Variants in CACNB2 observed in about 807,000 individuals in gnomAD.
The protein encoded by CACNB2 is calcium voltage-gated channel auxiliary subunit beta 2, also known as voltage-dependent L-type calcium channel subunit beta-2.
CACNB2 carries 42 observed loss-of-function variants against 73.3 expected under a neutral mutation model. The observed-to-expected ratio is 0.57, with a 90% CI of 0.45 to 0.74. The LOEUF (loss-of-function observed/expected upper bound fraction) is 0.74. Ranked by LOEUF, CACNB2 falls within the 30% of genes least tolerant of loss-of-function variation. CACNB2 has a pLI of 0.00. For missense variants in CACNB2, 940 were observed against 853.0 expected (o/e 1.10, Z -1.27); for synonymous variants, 348 against 310.3 (o/e 1.12, Z -1.28).
At chr10:18,451,401 T>G (rs1249226420) in intron 3 of CACNB2, among the ~76,000 whole-genome samples, 1 of 152,150 alleles carries the variant, frequency 6.6e-6, no homozygotes, top group East Asian at 1.9e-4. Flanking sequence ...CTGCTCTGTT[T>G]CAGATTTTGT....
chr10:18,241,494 T>G (rs950556126), intron 2 of CACNB2, among the ~76,000 whole-genome samples: 14 of 151,940 alleles, frequency 9.2e-5, no homozygotes, highest in Non-Finnish European at 1.6e-4. Context: ...GATGACGGGT[T>G]GATGGGTGCA....
chr10:18,198,685 T>G (rs976965257), intron 2 of CACNB2, among the ~76,000 whole-genome samples: 7 of 152,186 alleles, frequency 4.6e-5, no homozygotes, highest in Non-Finnish European at 1.0e-4. Context: ...TTGGCCAAAT[T>G]GGTTTTCTAC....
chr10:18,500,449 T>A (rs778073332), intron 4 of CACNB2, among the ~76,000 whole-genome samples: 8 of 152,162 alleles, frequency 5.3e-5, no homozygotes, highest in Non-Finnish European at 1.0e-4. Context: ...TTGGTCTGAT[T>A]ATATAAGGGG....
chr10:18,239,719 A>G (rs957305674), intron 2 of CACNB2, among the ~76,000 whole-genome samples: 6 of 152,294 alleles, frequency 3.9e-5, no homozygotes, highest in Middle Eastern at 3.4e-3. Flanking sequence ...TAAGTTTTGA[A>G]GAATTGAGTC....
intron 2 of CACNB2, among the ~76,000 whole-genome samples, chr10:18,199,943 G>GTGTGTA (rs1475550623): frequency 1.7e-4 from 18 of 108,300 alleles, no homozygotes; most frequent in Non-Finnish European, 3.3e-4. Flanking sequence ...ATATGAAACT[G>GTGTGTA]TGTGTGTGTG....
At chr10:18,300,705 C>T (rs554685148) in intron 2 of CACNB2, among the ~76,000 whole-genome samples, 153 of 152,128 alleles carry the variant, frequency 1.0e-3, no homozygotes, top group Non-Finnish European at 1.7e-3. Context: ...AAAAATTAGC[C>T]GTGCATGGTG....
intron 2 of CACNB2, chr10:18,206,459 A>C (rs1231435833): frequency 6.6e-6 from 1 of 152,452 alleles, no homozygotes; most frequent in Admixed American, 6.5e-5. Context: ...ATTGTGTCAC[A>C]TGGAGCCACA....
At chr10:18,340,673 C>G in intron 2 of CACNB2, 9 of 1,386,100 alleles carry the variant, frequency 6.5e-6, no homozygotes, top group Non-Finnish European at 8.4e-6. Context: ...CTCCCACTTG[C>G]GTTTGTTAAT....
intron 2 of CACNB2, among the ~76,000 whole-genome samples, chr10:18,186,410 A>C (rs2131243189): frequency 6.7e-6 from 1 of 149,192 alleles, no homozygotes; most frequent in South Asian, 2.1e-4. Flanking sequence ...CAAGAGTGAA[A>C]CTCCGTCTGA....
intron 2 of CACNB2, among the ~76,000 whole-genome samples, chr10:18,387,401 C>A (rs1039067834): frequency 6.6e-6 from 1 of 152,086 alleles, no homozygotes; most frequent in Non-Finnish European, 1.5e-5. Context: ...ACTGGGAACC[C>A]CAATCACTTC....
At chr10:18,242,352 T>C (rs2036689691) in intron 2 of CACNB2, among the ~76,000 whole-genome samples, 3 of 152,216 alleles carry the variant, frequency 2.0e-5, no homozygotes, top group Admixed American at 1.3e-4. Context: ...AAATGGAATA[T>C]ACTTGAGTAG....
Position 18,454,356 on chromosome 10 carries a change from G to A in CACNB2, c.334-43999G>A, listed in dbSNP as rs183636538. Reference sequence around the variant, plus strand: ...CGTTTTTCAACCTTTGTCATTAATCGCCCCCTTAAGGGGCCTTTTCTAGGC... The same window carrying A: ...CGTTTTTCAACCTTTGTCATTAATCACCCCCTTAAGGGGCCTTTTCTAGGC... On this transcript the variant is annotated intron_variant, in intron 3 of 13. Transcript: ENST00000324631. Among the ~76,000 whole-genome samples, 57 of 151,962 alleles carry A rather than the reference G, an allele frequency of 3.8e-4. No homozygotes were observed. In the East Asian group the frequency reaches 8.5e-3, roughly 23 times the overall value.
chr10:18,369,862 A>G (rs7072399), intron 2 of CACNB2, among the ~76,000 whole-genome samples: 81,404 of 152,084 alleles, frequency 0.54, 22,351 homozygotes, highest in East Asian at 0.91. Flanking sequence ...AGCCGAGATC[A>G]TGCCATTGCA....
chr10:18,345,781 CAGAT>C (rs2132100081), intron 2 of CACNB2, among the ~76,000 whole-genome samples: 1 of 152,288 alleles, frequency 6.6e-6, no homozygotes, highest in Admixed American at 6.5e-5. Context: ...TAGAAATCAA[CAGAT>C]AGACTAGTCA....
chr10:18,455,127 C>A (rs1366700039), intron 3 of CACNB2, among the ~76,000 whole-genome samples: 3 of 151,728 alleles, frequency 2.0e-5, no homozygotes, highest in African/African-American at 7.3e-5. Context: ...ATAATATCCA[C>A]CAATATGTGC....
At chr10:18,143,363 A>G (rs2030630185) in intron 1 of CACNB2, among the ~76,000 whole-genome samples, 1 of 152,226 alleles carries the variant, frequency 6.6e-6, no homozygotes, top group African/African-American at 2.4e-5. Flanking sequence ...TGAAAAGATA[A>G]TGGATATGAC....
At chr10:18,203,142 G>C (rs1031893112) in intron 2 of CACNB2, among the ~76,000 whole-genome samples, 3 of 152,184 alleles carry the variant, frequency 2.0e-5, no homozygotes, top group Non-Finnish European at 4.4e-5. Context: ...ACAGCATCTA[G>C]ATCCAATTCT....
intron 2 of CACNB2, among the ~76,000 whole-genome samples, chr10:18,153,352 A>C (rs867640953): frequency 1.1e-4 from 17 of 152,080 alleles, no homozygotes; most frequent in African/African-American, 3.9e-4. Context: ...CAAAAGGAAA[A>C]CTAGCGTCTT....
intron 11 of CACNB2, 42 bp from the exon 12 acceptor site, chr10:18,536,059 G>C: frequency 8.4e-7 from 1 of 1,184,556 alleles, no homozygotes; most frequent in Non-Finnish European, 1.3e-6. Context: ...ACTTTACCTG[G>C]ATGTAGTTAT....
Sources: allele counts gnomAD v4.1 joint callset (sites outside exome capture counted in the v4.1 genomes callset), GRCh38; gene constraint gnomAD v4.1.1; transcripts MANE v1.5; gene names NCBI Gene and HGNC (gene_info 2026-07-23, HGNC 2026-07-21).